ARHGAP8: variants seen among roughly 807,000 people sequenced by gnomAD.
The protein encoded by ARHGAP8 is Rho GTPase activating protein 8, also known as rho GTPase-activating protein 8.
In ARHGAP8, 62 loss-of-function variants were observed where a neutral mutation model predicts 46.1. The ratio of observed to expected loss-of-function variants is 1.34; its 90% CI spans 1.10 to 1.66. The LOEUF (loss-of-function observed/expected upper bound fraction) is 1.66, where lower values mean the gene tolerates loss of function less well. ARHGAP8 is among the 40% of genes most tolerant of loss of function. ARHGAP8 has a pLI of 0.00. For synonymous variants in ARHGAP8, 375 were observed against 243.1 expected (o/e 1.54, Z -5.05); for missense variants, 923 against 568.4 (o/e 1.62, Z -6.34).
intron 7 of ARHGAP8, among the ~76,000 whole-genome samples, chr22:44,839,573 CG>C (rs1185017031): frequency 6.6e-6 from 1 of 152,206 alleles, no homozygotes; most frequent in African/African-American, 2.4e-5. Flanking sequence ...AAACCCAGGC[CG>C]GGCTTGCCTC....
chr22:44,816,340 C>T (rs1048548226), intron 5 of ARHGAP8, among the ~76,000 whole-genome samples: 2 of 152,124 alleles, frequency 1.3e-5, no homozygotes, highest in African/African-American at 4.8e-5. Flanking sequence ...GGAAGCATCT[C>T]GGCCCCCCAG....
chr22:44,862,322 C>G lies in ARHGAP8; in HGVS notation c.1029C>G (p.Ala343=). ...IFNKMNSSNL[A]CVFGLNLIWP... ...ACAAAATGAACAGCTCTAACCTGGC[C>G]TGTGTCTTCGGGCTGAATTTGATCT... Residue 343 remains alanine (A), a synonymous_variant, in exon 12 of 12, where the codon GCC becomes GCG. Coordinates refer to ENST00000356099, the MANE Select transcript of ARHGAP8 (RefSeq NM_181335.3). 1.2e-6 allele frequency: 2 copies of G among 1,613,692 alleles called. No individual in the cohort carries two copies. The highest frequency in any genetic ancestry group is 4.5e-5 in the East Asian group (2 of 44,862).
intron 2 of ARHGAP8, among the ~76,000 whole-genome samples, chr22:44,787,542 G>A (rs1287545723): frequency 2.0e-5 from 3 of 152,010 alleles, no homozygotes; most frequent in South Asian, 2.1e-4. Context: ...ACGGGGTTTC[G>A]CCATTTTGGT....
chr22:44,766,426 A>G (rs1226004255), intron 1 of ARHGAP8, among the ~76,000 whole-genome samples: 1 of 151,360 alleles, frequency 6.6e-6, no homozygotes, highest in Non-Finnish European at 1.5e-5. Flanking sequence ...ATGTCTGTGC[A>G]CACGTGTGTC....
At chr22:44,755,959 C>G (rs1261032379) in intron 1 of ARHGAP8, among the ~76,000 whole-genome samples, 1 of 152,170 alleles carries the variant, frequency 6.6e-6, no homozygotes, top group Non-Finnish European at 1.5e-5. Flanking sequence ...ATTAGGAGAA[C>G]TAAATGAGTT....
rs550765792 is a variant in ARHGAP8 at position 44,762,764 on chromosome 22, G to A, written c.-72+10137G>A. ...TCACCATGTTGGCCAGGTTGGTCTC[G>A]AACTCCTGACCTTAGGTAATCCACC... is the stretch of plus-strand genomic sequence containing the variant. On this transcript the variant is annotated intron_variant, in intron 1 of 11. Coordinates refer to ENST00000356099, the MANE Select transcript of ARHGAP8 (RefSeq NM_181335.3). Among the ~76,000 whole-genome samples the A allele has an allele frequency of 4.6e-5, 7 of 151,992 alleles. 1 individual carries two copies. Among genetic ancestry groups the A allele is most frequent in the South Asian group, 2.1e-4 (1 of 4,808 alleles).
chr22:44,814,759 G>T lies in ARHGAP8; in HGVS notation c.386+1G>T. ...GGAACATCTTGAAGCCCCTCATCAGGTATGCGTCACTCTGGGAGAGGACCT... is the reference window on the plus strand; with the variant it reads ...GGAACATCTTGAAGCCCCTCATCAGTTATGCGTCACTCTGGGAGAGGACCT... On this transcript the variant is annotated splice_donor_variant, in intron 5 of 11. Transcript: ENST00000356099. LOFTEE classifies it high-confidence loss of function. 1 of 1,613,876 alleles carries T rather than the reference G, an allele frequency of 6.2e-7. No individual in the cohort carries two copies. The highest frequency in any genetic ancestry group is 8.5e-7 in the Non-Finnish European group (1 of 1,179,886).
rs1167255172 is a variant in ARHGAP8 at position 44,767,984 on chromosome 22, C to CTTTTTTTTTTTTTTTTTTTTTTTTTTTT, written c.-72+15361_-72+15388dup. 4.2e-5 allele frequency among the ~76,000 whole-genome samples: 2 copies of CTTTTTTTTTTTTTTTTTTTTTTTTTTTT among 47,228 alleles called. 1 individual carries two copies. The highest frequency in any genetic ancestry group is 1.8e-4 in the African/African-American group (2 of 11,228). The allele number at this position is 47,228 out of a possible 152,430, so 31.0% of individuals were successfully genotyped here. On this transcript the variant is annotated intron_variant, in intron 1 of 11. Transcript: ENST00000356099. ...GTCAGATTTCCTCCCCGCATGATGT[C>CTTTTTTTTTTTTTTTTTTTTTTTTTTTT]TTTTTTTTTTTTTTTTTTTTTTTTT...
intron 1 of ARHGAP8, among the ~76,000 whole-genome samples, chr22:44,765,673 C>G (rs971233135): frequency 2.6e-5 from 4 of 152,126 alleles, no homozygotes; most frequent in Admixed American, 1.3e-4. Flanking sequence ...GGAGTCCCCC[C>G]GGGCCAAGGA....
At chr22:44,836,994 C>A (rs1408091550) in intron 7 of ARHGAP8, among the ~76,000 whole-genome samples, 1 of 152,186 alleles carries the variant, frequency 6.6e-6, no homozygotes, top group Non-Finnish European at 1.5e-5. Flanking sequence ...AAGCAATTCT[C>A]CTGCCCCAGC....
intron 2 of ARHGAP8, among the ~76,000 whole-genome samples, chr22:44,788,685 A>G (rs1391117393): frequency 6.6e-6 from 1 of 152,188 alleles, no homozygotes; most frequent in Non-Finnish European, 1.5e-5. Flanking sequence ...GTGAGCCACC[A>G]TGCTGGCCGG....
intron 7 of ARHGAP8, among the ~76,000 whole-genome samples, chr22:44,829,024 A>G (rs534175056): frequency 2.0e-5 from 3 of 150,644 alleles, no homozygotes; most frequent in South Asian, 2.1e-4. Context: ...TGTAATCCCA[A>G]CACTTTGGGA....
At chr22:44,852,871 C>T (rs1355694633) in intron 10 of ARHGAP8, among the ~76,000 whole-genome samples, 1 of 152,180 alleles carries the variant, frequency 6.6e-6, no homozygotes, top group African/African-American at 2.4e-5. Flanking sequence ...GGCACGATCT[C>T]GGCTCAGTGC....
At chr22:44,848,139 G>T in intron 9 of ARHGAP8, 89 bp downstream of exon 9, 1 of 1,533,366 alleles carries the variant, frequency 6.5e-7, no homozygotes, top group Non-Finnish European at 8.8e-7. Flanking sequence ...GGGAAGCACC[G>T]CCCCCGCAAC....
chr22:44,802,267 C>A, intron 3 of ARHGAP8, 103 bp downstream of exon 3: 3 of 1,440,220 alleles, frequency 2.1e-6, no homozygotes, highest in East Asian at 2.4e-5. Context: ...GGTCTGGGGC[C>A]TCCTTTGTGA....
At chr22:44,827,335 G>GTTTT (rs1569165898) in intron 7 of ARHGAP8, among the ~76,000 whole-genome samples, 13 of 41,728 alleles carry the variant, frequency 3.1e-4, no homozygotes, top group Admixed American at 2.3e-3. Flanking sequence ...TTTGGGTGGT[G>GTTTT]GTTTTTTTTT....
intron 7 of ARHGAP8, among the ~76,000 whole-genome samples, chr22:44,827,336 G>GTTTTTTT (rs796490147): frequency 0.024 from 1,614 of 67,250 alleles, 434 homozygotes; most frequent in Non-Finnish European, 0.029. Flanking sequence ...TTGGGTGGTG[G>GTTTTTTT]TTTTTTTTTT....
At chr22:44,764,336 G>GACA (rs1313194256) in intron 1 of ARHGAP8, among the ~76,000 whole-genome samples, 1 of 152,202 alleles carries the variant, frequency 6.6e-6, no homozygotes, top group Non-Finnish European at 1.5e-5. Flanking sequence ...AATAGTTCAA[G>GACA]ACAACCGATG....
At chr22:44,787,029 C>CAAAAAAAAAAAAA (rs34957650) in intron 2 of ARHGAP8, among the ~76,000 whole-genome samples, 7 of 94,812 alleles carry the variant, frequency 7.4e-5, no homozygotes, top group East Asian at 3.7e-4. Context: ...GACCCTGTCT[C>CAAAAAAAAAAAAA]AAAAAAACAA....
Sources: gnomAD v4.1 joint callset for allele counts (sites outside exome capture counted in the v4.1 genomes callset) on GRCh38, gnomAD v4.1.1 for gene constraint, MANE v1.5 for transcripts, NCBI Gene and HGNC (gene_info 2026-07-23, HGNC 2026-07-21) for gene names.